Variants in KANSL1 observed in about 807,000 individuals in gnomAD.
The protein encoded by KANSL1 is MLL1/MLL complex subunit KANSL1.
In KANSL1, 22 loss-of-function variants were observed where a neutral mutation model predicts 103.6. That is an observed-to-expected ratio of 0.21 (90% CI 0.15 to 0.30). KANSL1 has a LOEUF of 0.30. KANSL1 is among the 10% of genes least tolerant of loss of function. The pLI, the probability that KANSL1 is intolerant of heterozygous loss-of-function variation, is 1.00. For synonymous variants in KANSL1, 600 were observed against 527.6 expected (o/e 1.14, Z -1.88); for missense variants, 1,337 against 1,399.8 (o/e 0.96, Z 0.72).
At chr17:46,188,453 G>T (rs1450600259) in intron 1 of KANSL1, among the ~76,000 whole-genome samples, 1 of 152,182 alleles carries the variant, frequency 6.6e-6, no homozygotes, top group Non-Finnish European at 1.5e-5. Flanking sequence ...AGCAACATGA[G>T]AACTAAAAAA....
intron 1 of KANSL1, among the ~76,000 whole-genome samples, chr17:46,210,936 C>T (rs1385389227): frequency 6.6e-6 from 1 of 151,892 alleles, no homozygotes; most frequent in Non-Finnish European, 1.5e-5. Flanking sequence ...AAAATTGGGC[C>T]CAAAGTGGCA....
At chr17:46,058,545 G>T (rs1000577239) in intron 6 of KANSL1, among the ~76,000 whole-genome samples, 1 of 152,192 alleles carries the variant, frequency 6.6e-6, no homozygotes, top group Admixed American at 6.5e-5. Flanking sequence ...TGTTAGATAT[G>T]CCAAGAGGCA....
At chr17:46,103,706 A>G (rs922898979) in intron 2 of KANSL1, among the ~76,000 whole-genome samples, 3 of 152,186 alleles carry the variant, frequency 2.0e-5, no homozygotes, top group African/African-American at 7.2e-5. Flanking sequence ...CTTTAACACA[A>G]AGCCCATACT....
At chr17:46,169,190 T>C (rs994009402) in intron 2 of KANSL1, among the ~76,000 whole-genome samples, 4 of 152,228 alleles carry the variant, frequency 2.6e-5, no homozygotes, top group African/African-American at 9.6e-5. Context: ...GCAAAGTTAG[T>C]GGGGATAATG....
At chr17:46,058,741 ACACT>A (rs1351126776) in intron 6 of KANSL1, among the ~76,000 whole-genome samples, 334 of 73,532 alleles carry the variant, frequency 4.5e-3, no homozygotes, top group African/African-American at 0.015. Flanking sequence ...ACACACACAC[ACACT>A]CTCTCTCTCT....
At chr17:46,076,776 A>G (rs1568421017) in intron 4 of KANSL1, among the ~76,000 whole-genome samples, 2 of 152,092 alleles carry the variant, frequency 1.3e-5, no homozygotes, top group African/African-American at 4.8e-5. Context: ...TTTATTCCTA[A>G]GTATTTTATG....
intron 1 of KANSL1, among the ~76,000 whole-genome samples, chr17:46,218,731 C>T (rs113146341): frequency 0.12 from 18,632 of 149,250 alleles, 21 homozygotes; most frequent in Middle Eastern, 0.19. Flanking sequence ...TGCAGTGAGC[C>T]GAGATCGTGC....
intron 2 of KANSL1, among the ~76,000 whole-genome samples, chr17:46,125,085 A>AGAGGGAGGGAGGGAGAGAGG (rs2043485498): frequency 8.8e-5 from 3 of 33,950 alleles, no homozygotes; most frequent in Admixed American, 7.9e-4. Context: ...AGGGAGGGAG[A>AGAGGGAGGGAGGGAGAGAGG]GAGGGAGGGA....
chr17:46,121,669 C>G (rs2043286642), intron 2 of KANSL1, among the ~76,000 whole-genome samples: 1 of 150,834 alleles, frequency 6.6e-6, no homozygotes. Flanking sequence ...TTTATTGACC[C>G]CCCCACCCCA....
chr17:46,092,215 T>C (rs111970616), intron 3 of KANSL1, among the ~76,000 whole-genome samples: 21,601 of 151,966 alleles, frequency 0.14, 2,094 homozygotes, highest in Non-Finnish European at 0.22. Flanking sequence ...GTTTCCCTTT[T>C]GTTAAGCAAT....
chr17:46,187,547 T>C (rs1279282277), intron 1 of KANSL1, among the ~76,000 whole-genome samples: 3 of 152,188 alleles, frequency 2.0e-5, no homozygotes, highest in South Asian at 2.1e-4. Context: ...ACTTTAATTC[T>C]AAAAAAATTA....
chr17:46,149,693 C>A (rs969401022), intron 2 of KANSL1, among the ~76,000 whole-genome samples: 39 of 152,206 alleles, frequency 2.6e-4, no homozygotes, highest in Non-Finnish European at 3.4e-4. Context: ...CATCACAGAT[C>A]ATGTGATTTC....
chr17:46,154,072 G>A (rs955919519), intron 2 of KANSL1, among the ~76,000 whole-genome samples: 1 of 152,216 alleles, frequency 6.6e-6, no homozygotes, highest in Non-Finnish European at 1.5e-5. Context: ...TTGGAGTAGA[G>A]GTTAATGAAC....
intron 2 of KANSL1, among the ~76,000 whole-genome samples, chr17:46,134,225 T>C (rs1026669938): frequency 2.0e-5 from 3 of 150,462 alleles, no homozygotes; most frequent in South Asian, 2.1e-4. Context: ...TTGAGAAACC[T>C]TGTCTCTACT....
At chr17:46,141,891 T>A (rs1238612338) in intron 2 of KANSL1, among the ~76,000 whole-genome samples, 1 of 152,184 alleles carries the variant, frequency 6.6e-6, no homozygotes, top group African/African-American at 2.4e-5. Context: ...GTTTCTTTCT[T>A]TATTTCTCTT....
intron 4 of KANSL1, among the ~76,000 whole-genome samples, chr17:46,080,476 T>A (rs1014886168): frequency 6.6e-6 from 1 of 151,272 alleles, no homozygotes; most frequent in African/African-American, 2.4e-5. Context: ...CTGAGAAAAG[T>A]CACTTTCCTA....
chr17:46,155,942 A>T (rs1181135592), intron 2 of KANSL1, among the ~76,000 whole-genome samples: 1 of 152,188 alleles, frequency 6.6e-6, no homozygotes, highest in African/African-American at 2.4e-5. Context: ...CTCAAAAGAA[A>T]ACATACTCTA....
intron 1 of KANSL1, among the ~76,000 whole-genome samples, chr17:46,219,634 A>G (rs1383585421): frequency 1.3e-5 from 2 of 152,268 alleles, no homozygotes; most frequent in African/African-American, 4.8e-5. Flanking sequence ...CTAAAGTGCT[A>G]GGATTACAGG....
Position 46,172,182 on chromosome 17 carries a change from C to G in KANSL1, c.-39G>C. ...ACAGGAAGTCCAGCCTCTCCCGATGCCGAGGCCGAGGCCAGCTCCACGGCC... is the reference window on the plus strand; with the variant it reads ...ACAGGAAGTCCAGCCTCTCCCGATGGCGAGGCCGAGGCCAGCTCCACGGCC... On this transcript the variant is annotated 5_prime_UTR_variant, in exon 2 of 15. Coordinates refer to ENST00000432791, the MANE Select transcript of KANSL1 (RefSeq NM_015443.4). The G allele has an allele frequency of 6.4e-7, 1 of 1,570,138 alleles. No individual in the cohort carries two copies. Among genetic ancestry groups the G allele is most frequent in the East Asian group, 2.3e-5 (1 of 44,146 alleles).
Sources: gnomAD v4.1 joint callset for allele counts (sites outside exome capture counted in the v4.1 genomes callset) on GRCh38, gnomAD v4.1.1 for gene constraint, MANE v1.5 for transcripts, NCBI Gene and HGNC (gene_info 2026-07-23, HGNC 2026-07-21) for gene names.